PTPN4: variants seen among roughly 807,000 people sequenced by gnomAD.
PTPN4 encodes the protein protein tyrosine phosphatase non-receptor type 4.
In PTPN4, 49 loss-of-function variants were observed where a neutral mutation model predicts 135.5. The ratio of observed to expected loss-of-function variants is 0.36; its 90% CI spans 0.29 to 0.46. The LOEUF (loss-of-function observed/expected upper bound fraction) is 0.46. Ranked by LOEUF, PTPN4 falls within the 20% of genes least tolerant of loss-of-function variation. The pLI is 1.00. For synonymous variants in PTPN4, 333 were observed against 369.9 expected (o/e 0.90, Z 1.14); for missense variants, 860 against 1,101.0 (o/e 0.78, Z 3.10).
At chr2:119,900,249 A>G (rs1442408722) in intron 9 of PTPN4, among the ~76,000 whole-genome samples, 1 of 152,130 alleles carries the variant, frequency 6.6e-6, no homozygotes, top group East Asian at 1.9e-4. Context: ...TATTAGTTAT[A>G]GGACGTCTCA....
chr2:119,894,523 G>A (rs1678289432), intron 9 of PTPN4, among the ~76,000 whole-genome samples: 1 of 151,958 alleles, frequency 6.6e-6, no homozygotes, highest in South Asian at 2.1e-4. Flanking sequence ...ACTCCATTAG[G>A]CCTATATAAA....
intron 11 of PTPN4, 150 bp from the exon 12 acceptor site, chr2:119,919,919 C>A: frequency 1.9e-6 from 2 of 1,034,806 alleles, no homozygotes; most frequent in East Asian, 3.3e-5. Context: ...CAAAAAAGAT[C>A]CTAGATAAAA....
chr2:119,971,248 C>T (rs1347229513), intron 26 of PTPN4, among the ~76,000 whole-genome samples: 1 of 152,132 alleles, frequency 6.6e-6, no homozygotes, highest in Non-Finnish European at 1.5e-5. Flanking sequence ...GAGAAAGAAG[C>T]AGGAGGTGCT....
intron 1 of PTPN4, chr2:119,791,069 AAG>A (rs1349721965): frequency 6.6e-6 from 1 of 152,154 alleles, no homozygotes; most frequent in Non-Finnish European, 1.5e-5. Context: ...AGGAGGAAAA[AAG>A]AGTTACAAAC....
intron 10 of PTPN4, among the ~76,000 whole-genome samples, chr2:119,908,023 A>G (rs892933729): frequency 6.6e-6 from 1 of 152,220 alleles, no homozygotes; most frequent in Non-Finnish European, 1.5e-5. Flanking sequence ...GAAATGCTTC[A>G]GAATACTGAT....
chr2:119,972,661 A>AT (rs1247992672), intron 26 of PTPN4, among the ~76,000 whole-genome samples: 3 of 152,060 alleles, frequency 2.0e-5, no homozygotes, highest in East Asian at 3.9e-4. Flanking sequence ...CAGTTTTTAG[A>AT]TTTTCACTAA....
Position 119,920,093 on chromosome 2 carries a change from G to A in PTPN4, c.853G>A (p.Gly285Arg). ...GCATGAATCTAGAGAAACATTATTGGGATTTAATATGGTGAATTACAGAGC... is the reference window on the plus strand; with the variant it reads ...GCATGAATCTAGAGAAACATTATTGAGATTTAATATGGTGAATTACAGAGC... The part of the protein sequence containing the change: ...ELHESRETLL[G>R]FNMVNYRACK... Residue 285 changes from glycine to arginine, a missense_variant, in exon 12 of 27, where the codon GGA becomes AGA. By Grantham distance (125) the Gly-to-Arg change is moderately radical. Transcript: ENST00000263708. 1 of 1,605,166 alleles carries A rather than the reference G, an allele frequency of 6.2e-7. No individual in the cohort carries two copies. The highest frequency in any genetic ancestry group is 8.5e-7 in the Non-Finnish European group (1 of 1,176,902).
At chr2:119,923,048 T>G (rs1678761961) in intron 12 of PTPN4, among the ~76,000 whole-genome samples, 1 of 152,206 alleles carries the variant, frequency 6.6e-6, no homozygotes, top group Non-Finnish European at 1.5e-5. Context: ...TTTCCTTGAT[T>G]AGTCTGCTAG....
chr2:119,763,241 G>C (rs1381933464), intron 1 of PTPN4, among the ~76,000 whole-genome samples: 5 of 152,158 alleles, frequency 3.3e-5, no homozygotes, highest in Non-Finnish European at 7.4e-5. Flanking sequence ...TTGGAAGAGA[G>C]ATGCAAGTAT....
intron 9 of PTPN4, 134 bp from the exon 10 acceptor site, chr2:119,900,584 A>G: frequency 2.1e-6 from 1 of 472,966 alleles, no homozygotes; most frequent in Non-Finnish European, 3.7e-6. Context: ...TTGGGTTTCT[A>G]ATTAGTATTC....
intron 8 of PTPN4, among the ~76,000 whole-genome samples, chr2:119,884,149 T>G (rs932355095): frequency 6.6e-6 from 1 of 152,214 alleles, no homozygotes; most frequent in Non-Finnish European, 1.5e-5. Flanking sequence ...CCGCCTGCCT[T>G]GGCCTCCCAA....
chr2:119,909,715 C>T (rs1678540035), intron 10 of PTPN4, among the ~76,000 whole-genome samples: 1 of 152,048 alleles, frequency 6.6e-6, no homozygotes. Context: ...ATTCTAGATG[C>T]CATTGAGAAC....
chr2:119,955,393 T>A lies in PTPN4; in HGVS notation c.1980+70T>A. 2.5e-6 allele frequency: 3 copies of A among 1,222,750 alleles called. No homozygotes were observed. In the South Asian group the frequency reaches 6.4e-5, roughly 26 times the overall value. 75.7% of individuals were successfully genotyped at this position (1,222,750 alleles called of 1,614,324 possible). ...CTAACTAGTTTCATAGTTTCTTAAG[T>A]GCCTAATCTGTGCATTATAATTTCT... On this transcript the variant is annotated intron_variant, in intron 20 of 26. Transcript: ENST00000263708.
intron 1 of PTPN4, among the ~76,000 whole-genome samples, chr2:119,796,412 CTTTG>C (rs1368529741): frequency 6.6e-6 from 1 of 152,154 alleles, no homozygotes; most frequent in East Asian, 1.9e-4. Context: ...ATCACCATAG[CTTTG>C]TTTGTGTTTT....
intron 1 of PTPN4, among the ~76,000 whole-genome samples, chr2:119,776,843 G>A (rs138103945): frequency 4.6e-5 from 7 of 152,212 alleles, no homozygotes; most frequent in African/African-American, 9.6e-5. Context: ...TAAGATTTCC[G>A]GTCAACAGTA....
chr2:119,881,690 AAT>A (rs1234001991), intron 5 of PTPN4, 94 bp from the exon 6 acceptor site: 29 of 799,960 alleles, frequency 3.6e-5, no homozygotes, highest in Non-Finnish European at 5.3e-5. Context: ...CAAATATTTA[AAT>A]ATGTTTATTT....
intron 1 of PTPN4, among the ~76,000 whole-genome samples, chr2:119,789,824 G>A (rs926915491): frequency 5.3e-5 from 8 of 152,094 alleles, no homozygotes; most frequent in Non-Finnish European, 1.0e-4. Flanking sequence ...CCAGGTTCAA[G>A]TGATTCTCCT....
intron 1 of PTPN4, among the ~76,000 whole-genome samples, chr2:119,787,401 A>G (rs1410597526): frequency 5.3e-5 from 8 of 152,194 alleles, no homozygotes; most frequent in Admixed American, 2.6e-4. Flanking sequence ...TTTAATGTTT[A>G]AGTAGTATTC....
intron 10 of PTPN4, among the ~76,000 whole-genome samples, chr2:119,908,678 C>G (rs1678524298): frequency 6.6e-6 from 1 of 152,046 alleles, no homozygotes; most frequent in African/African-American, 2.4e-5. Context: ...TGATCAAGTG[C>G]AAGGAAGAGT....
Sources: allele counts gnomAD v4.1 joint callset (sites outside exome capture counted in the v4.1 genomes callset), GRCh38; gene constraint gnomAD v4.1.1; transcripts MANE v1.5; gene names NCBI Gene and HGNC (gene_info 2026-07-23, HGNC 2026-07-21).